Variants in FBXL13 observed in about 807,000 individuals in gnomAD.
FBXL13 encodes the protein F-box and leucine-rich repeat protein 13.
A neutral mutation model predicts 83.6 loss-of-function variants in FBXL13; 67 were observed. The observed-to-expected ratio is 0.80, with a 90% CI of 0.66 to 0.98. The LOEUF (loss-of-function observed/expected upper bound fraction) is 0.98. Ranked by LOEUF, FBXL13 falls within the 50% of genes least tolerant of loss-of-function variation. FBXL13 has a pLI of 0.00. For missense variants in FBXL13, 822 were observed against 866.5 expected (o/e 0.95, Z 0.64); for synonymous variants, 272 against 299.5 (o/e 0.91, Z 0.95).
chr7:103,061,313 G>T lies in FBXL13; in HGVS notation c.-104-5566C>A, dbSNP rs140452700. Among the ~76,000 whole-genome samples, 559 of 152,238 alleles carry T rather than the reference G, an allele frequency of 3.7e-3. 4 individuals are homozygous for T. Among genetic ancestry groups the T allele is most frequent in the African/African-American group, 0.013 (552 of 41,540 alleles). ...AAGGACTCTGATACCTGCCGGACTGGGCCTGTCCCAGAGGGGAAGCAGTCC... is the reference window on the plus strand; with the variant it reads ...AAGGACTCTGATACCTGCCGGACTGTGCCTGTCCCAGAGGGGAAGCAGTCC... On this transcript the variant is annotated intron_variant, in intron 1 of 19. Coordinates refer to ENST00000313221, the Ensembl canonical transcript of FBXL13.
chr7:102,911,299 C>G (rs925272864), intron 11 of FBXL13, among the ~76,000 whole-genome samples: 1 of 152,096 alleles, frequency 6.6e-6, no homozygotes, highest in African/African-American at 2.4e-5. Context: ...GTTGTTGCTA[C>G]AATAATTGCC....
intron 10 of FBXL13, among the ~76,000 whole-genome samples, chr7:102,915,822 T>C (rs1292361781): frequency 6.6e-6 from 1 of 152,178 alleles, no homozygotes; most frequent in Admixed American, 6.5e-5. Context: ...ACTGCTGTGA[T>C]TGTGAACTAT....
intron 17 of FBXL13, among the ~76,000 whole-genome samples, chr7:102,840,787 T>C (rs1466026043): frequency 3.3e-5 from 5 of 152,186 alleles, no homozygotes; most frequent in Non-Finnish European, 7.4e-5. Flanking sequence ...ACAAGTCATG[T>C]TACCTCAAGT....
At chr7:102,924,373 GA>G (rs759216853) in intron 10 of FBXL13, among the ~76,000 whole-genome samples, 14 of 151,980 alleles carry the variant, frequency 9.2e-5, no homozygotes, top group Admixed American at 6.6e-5. Flanking sequence ...ATTAATTCTA[GA>G]TTGATTATAT....
intron 6 of FBXL13, among the ~76,000 whole-genome samples, chr7:103,015,761 C>T (rs1792220484): frequency 6.9e-6 from 1 of 145,574 alleles, no homozygotes; most frequent in Admixed American, 7.1e-5. Context: ...CACACCACTG[C>T]ACTCCAGCCT....
At chr7:102,871,510 C>A (rs911785176) in intron 16 of FBXL13, among the ~76,000 whole-genome samples, 1 of 151,976 alleles carries the variant, frequency 6.6e-6, no homozygotes, top group Non-Finnish European at 1.5e-5. Context: ...CTCAGCCCCC[C>A]AGGTAGCTGG....
At chr7:102,877,545 A>C (rs768240969) in exon 16 of FBXL13, 5 of 1,611,576 alleles carry the variant, frequency 3.1e-6, no homozygotes, top group Non-Finnish European at 4.2e-6. Context: ...TTCCTTGGGC[A>C]GTCAAATGTT....
intron 11 of FBXL13, among the ~76,000 whole-genome samples, chr7:102,911,049 C>T (rs1419036141): frequency 6.6e-6 from 1 of 152,204 alleles, no homozygotes; most frequent in African/African-American, 2.4e-5. Context: ...GCATGAGCCA[C>T]CGCGCCCAGC....
Position 103,015,812 on chromosome 7 carries a change from A to AAAG in FBXL13, c.495+9250_495+9251insCTT, listed in dbSNP as rs397721486. Among the ~76,000 whole-genome samples the AAAG allele has an allele frequency of 2.1e-4, 32 of 151,230 alleles. 1 individual carries two copies. The highest frequency in any genetic ancestry group is 3.8e-4 in the Non-Finnish European group (26 of 67,752). On this transcript the variant is annotated intron_variant, in intron 6 of 19. Transcript: ENST00000313221. ...ACTCTCATCTCAAAAAAAAAAAAAA[A>AAAG]GCAATGTACAAAAATCAGTAGTATT...
At chr7:102,963,635 G>C (rs1825626312) in exon 8 of FBXL13, 2 of 1,602,508 alleles carry the variant, frequency 1.2e-6, no homozygotes. Flanking sequence ...TATTTATCTG[G>C]AATCACATTT....
At chr7:102,882,121 A>G (rs1360236154) in intron 14 of FBXL13, among the ~76,000 whole-genome samples, 1 of 152,104 alleles carries the variant, frequency 6.6e-6, no homozygotes. Flanking sequence ...CTAGCTGGAT[A>G]TGATGGAGTG....
chr7:103,018,290 C>G (rs148647587), intron 6 of FBXL13, among the ~76,000 whole-genome samples: 1,675 of 152,188 alleles, frequency 0.011, 34 homozygotes, highest in African/African-American at 0.039. Context: ...ATTTTGTCAC[C>G]ACTAGGCCTG....
intron 11 of FBXL13, among the ~76,000 whole-genome samples, chr7:102,897,578 T>C (rs1248142631): frequency 2.6e-5 from 4 of 152,166 alleles, no homozygotes; most frequent in African/African-American, 9.7e-5. Flanking sequence ...CTGAGGAGTA[T>C]AATTAAATCT....
At chr7:102,832,241 C>A (rs949808970) in intron 18 of FBXL13, among the ~76,000 whole-genome samples, 57 of 152,090 alleles carry the variant, frequency 3.7e-4, no homozygotes. Flanking sequence ...GAAAATAACA[C>A]AAAAGATGAT....
chr7:102,951,637 G>C (rs1005405929), intron 8 of FBXL13, among the ~76,000 whole-genome samples: 1 of 151,380 alleles, frequency 6.6e-6, no homozygotes, highest in Non-Finnish European at 1.5e-5. Flanking sequence ...GTCAGAGCCC[G>C]TCTCTACAAA....
chr7:103,024,190 A>T (rs1338789590), intron 6 of FBXL13, among the ~76,000 whole-genome samples: 2 of 148,956 alleles, frequency 1.3e-5, no homozygotes, highest in African/African-American at 5.0e-5. Flanking sequence ...AGAGAGAAAT[A>T]ATTAGGGCAA....
chr7:102,951,403 A>AT (rs1563139886), intron 8 of FBXL13, among the ~76,000 whole-genome samples: 176 of 150,790 alleles, frequency 1.2e-3, no homozygotes, highest in Non-Finnish European at 1.1e-3. Context: ...AAATAAATAA[A>AT]AGTTAATTTA....
Position 103,055,634 on chromosome 7 carries a change from C to A in FBXL13, c.-1+10G>T, listed in dbSNP as rs565872226. 18 of 1,181,208 alleles carry A rather than the reference C, an allele frequency of 1.5e-5. No homozygotes were observed. In the South Asian group the frequency reaches 2.5e-4, roughly 16 times the overall value. 73.2% of individuals were successfully genotyped at this position (1,181,208 alleles called of 1,614,324 possible). ...AATATTTCCCTATCAAAAATCAAAA[C>A]AATACTTACCAAAGAAGATTCTGAA... On this transcript the variant is annotated intron_variant, in intron 2 of 19. Transcript: ENST00000313221.
At chr7:102,902,309 G>A (rs1426806189) in intron 11 of FBXL13, among the ~76,000 whole-genome samples, 1 of 152,096 alleles carries the variant, frequency 6.6e-6, no homozygotes, top group Non-Finnish European at 1.5e-5. Context: ...AGTTGTTTGA[G>A]CTCCTTATAT....
Sources: gnomAD v4.1 joint callset for allele counts (sites outside exome capture counted in the v4.1 genomes callset) on GRCh38, gnomAD v4.1.1 for gene constraint, MANE v1.5 for transcripts, NCBI Gene and HGNC (gene_info 2026-07-23, HGNC 2026-07-21) for gene names.